The following HDAC4 variants were observed in gnomAD, a reference collection of about 807,000 sequenced individuals.
HDAC4 encodes histone deacetylase 4.
HDAC4 carries 16 observed loss-of-function variants against 135.1 expected under a neutral mutation model. The observed-to-expected ratio is 0.12, with a 90% CI of 0.08 to 0.18. The LOEUF is 0.18. Among genes scored for constraint, HDAC4 ranks in the 10% least tolerant of loss-of-function variants. The pLI is 1.00. For missense variants in HDAC4, 1,143 were observed against 1,511.8 expected (o/e 0.76, Z 4.05); for synonymous variants, 685 against 653.4 (o/e 1.05, Z -0.74).
intron 20 of HDAC4, among the ~76,000 whole-genome samples, chr2:239,083,798 C>T (rs1336763820): frequency 6.6e-6 from 1 of 152,284 alleles, no homozygotes; most frequent in Middle Eastern, 3.4e-3. Flanking sequence ...CGCCTTCGAC[C>T]AGGGTGAGGG....
chr2:239,135,151 T>C (rs2152885014), intron 9 of HDAC4, among the ~76,000 whole-genome samples: 1 of 152,344 alleles, frequency 6.6e-6, no homozygotes, highest in African/African-American at 2.4e-5. Flanking sequence ...CCGGAGAGGA[T>C]GGACATCCCA....
chr2:239,075,609 C>T (rs545694762), intron 22 of HDAC4, among the ~76,000 whole-genome samples: 11 of 152,332 alleles, frequency 7.2e-5, no homozygotes, highest in South Asian at 4.1e-4. Flanking sequence ...GGGGAGAGAG[C>T]GGCTTCTCCT....
In HDAC4 at chr2:239,134,462, A is replaced by AT. The variant is rs1575146130; in HGVS notation, c.1096-20dup. Reference sequence around the variant, plus strand: ...CCGTGCCCTGGAAAGCACAGCCAGGATGCTCGGGTGGAAGGACCCATCACC... The same window carrying AT: ...CCGTGCCCTGGAAAGCACAGCCAGGATTGCTCGGGTGGAAGGACCCATCACC... On this transcript the variant is annotated intron_variant, in intron 10 of 26. Coordinates refer to ENST00000543185, the MANE Select transcript of HDAC4 (RefSeq NM_001378414.1). The AT allele has an allele frequency of 1.2e-6, 2 of 1,613,762 alleles. No homozygotes were observed. Among genetic ancestry groups the AT allele is most frequent in the Non-Finnish European group, 1.7e-6 (2 of 1,179,890 alleles).
At position 239,167,718 on chromosome 2, in the gene HDAC4, TTAC is replaced by T; in HGVS notation, c.491-3798_491-3796del. Among the ~76,000 whole-genome samples, 1 of 152,054 alleles carries T rather than the reference TTAC, an allele frequency of 6.6e-6. No individual in the cohort carries two copies. The highest frequency in any genetic ancestry group is 2.1e-4 in the South Asian group (1 of 4,830). On this transcript the variant is annotated intron_variant, in intron 5 of 26. Coordinates refer to ENST00000543185, the MANE Select transcript of HDAC4 (RefSeq NM_001378414.1). The surrounding 1 kb of genome is among the most constrained non-coding windows in gnomAD (Gnocchi z 4.1). ...AATGGATAGCAGATCTCCCTAATTT[TTAC>T]TTTTACTTTTTTTTTTTTTTTCTTA...
chr2:239,128,673 G>A (rs2040364952), intron 11 of HDAC4, among the ~76,000 whole-genome samples: 1 of 152,224 alleles, frequency 6.6e-6, no homozygotes, highest in Non-Finnish European at 1.5e-5. Flanking sequence ...CGTAGTTGCT[G>A]GAAAGGTCTC....
intron 2 of HDAC4, among the ~76,000 whole-genome samples, chr2:239,271,099 G>A (rs1437054530): frequency 4.6e-5 from 7 of 152,136 alleles, no homozygotes; most frequent in Admixed American, 4.6e-4. Flanking sequence ...CAGTAAAAAG[G>A]TTGGGGCTTA....
At chr2:239,205,774 G>T (rs1272071665) in intron 3 of HDAC4, among the ~76,000 whole-genome samples, 3 of 152,182 alleles carry the variant, frequency 2.0e-5, no homozygotes, top group Admixed American at 6.5e-5. Flanking sequence ...TTGTGGGGTT[G>T]AAGTGAAGGA....
chr2:239,168,727 A>G (rs906093665), intron 5 of HDAC4, among the ~76,000 whole-genome samples: 8 of 152,336 alleles, frequency 5.3e-5, no homozygotes, highest in African/African-American at 1.2e-4. Flanking sequence ...CCCCGCTTAC[A>G]TAAGAGCCCC....
chr2:239,092,970 C>A (rs942436572), intron 17 of HDAC4, among the ~76,000 whole-genome samples: 1 of 152,088 alleles, frequency 6.6e-6, no homozygotes, highest in South Asian at 2.1e-4. Flanking sequence ...AAGCTTCCCA[C>A]GGATAATCCC....
chr2:239,057,369 T>A (rs1194562112), intron 24 of HDAC4, among the ~76,000 whole-genome samples: 1 of 152,204 alleles, frequency 6.6e-6, no homozygotes, highest in African/African-American at 2.4e-5. Flanking sequence ...CATTTCTGTA[T>A]GATGAAACAA....
At chr2:239,174,410 A>C (rs976548069) in intron 5 of HDAC4, among the ~76,000 whole-genome samples, 4 of 152,244 alleles carry the variant, frequency 2.6e-5, no homozygotes, top group African/African-American at 9.6e-5. Flanking sequence ...CGGCAAAAAA[A>C]ACTTATGAAA....
intron 3 of HDAC4, among the ~76,000 whole-genome samples, chr2:239,207,269 T>A (rs2046101729): frequency 6.6e-6 from 1 of 152,180 alleles, no homozygotes; most frequent in South Asian, 2.1e-4. Context: ...CTTGGTAGCC[T>A]TAAATACTTA....
chr2:239,311,686 C>T (rs1575675555), intron 2 of HDAC4, among the ~76,000 whole-genome samples: 1 of 152,178 alleles, frequency 6.6e-6, no homozygotes, highest in African/African-American at 2.4e-5. Context: ...CACAAAACTT[C>T]AAGTTTCTGT....
At chr2:239,238,792 G>A (rs1328445080) in intron 2 of HDAC4, among the ~76,000 whole-genome samples, 1 of 152,214 alleles carries the variant, frequency 6.6e-6, no homozygotes, top group Non-Finnish European at 1.5e-5. Flanking sequence ...GATTTGACTT[G>A]TAAGTCACGA....
chr2:239,131,787 A>G (rs2040605119), intron 11 of HDAC4, among the ~76,000 whole-genome samples: 1 of 152,214 alleles, frequency 6.6e-6, no homozygotes, highest in Non-Finnish European at 1.5e-5. Context: ...TGGGCCGTGC[A>G]CTGGATGTGG....
Position 239,285,194 on chromosome 2 carries a change from A to G in HDAC4, c.23-48530T>C, listed in dbSNP as rs1309608571. ...AGAAAGCGTTACACAGTGAGAAAAC[A>G]GGCAGCTGGATGAGCACAGAGCCAC... On this transcript the variant is annotated intron_variant, in intron 2 of 26. Coordinates refer to ENST00000543185, the MANE Select transcript of HDAC4 (RefSeq NM_001378414.1). The surrounding 1 kb of genome is among the most constrained non-coding windows in gnomAD (Gnocchi z 4.5). 6.6e-6 allele frequency among the ~76,000 whole-genome samples: 1 copy of G among 152,222 alleles called. No individual in the cohort carries two copies. Among genetic ancestry groups the G allele is most frequent in the East Asian group, 1.9e-4 (1 of 5,186 alleles).
In HDAC4 at chr2:239,077,131, C is replaced by T. The variant is rs377196135; in HGVS notation, c.2750+3964G>A. ...GTCTGTCACCTAAGCTGCCACAAGACGGGCCTGTCCAACATGCAGAGCTGG... is the reference window on the plus strand; with the variant it reads ...GTCTGTCACCTAAGCTGCCACAAGATGGGCCTGTCCAACATGCAGAGCTGG... On this transcript the variant is annotated intron_variant, in intron 22 of 26. Coordinates refer to ENST00000543185, the MANE Select transcript of HDAC4 (RefSeq NM_001378414.1). Among the ~76,000 whole-genome samples the T allele has an allele frequency of 2.3e-4, 35 of 152,334 alleles. 1 individual carries two copies. Among genetic ancestry groups the T allele is most frequent in the Admixed American group, 5.2e-4 (8 of 15,308 alleles).
chr2:239,338,669 T>C (rs911542082), intron 2 of HDAC4, among the ~76,000 whole-genome samples: 1 of 152,254 alleles, frequency 6.6e-6, no homozygotes, highest in Non-Finnish European at 1.5e-5. Context: ...CCTCAGCAGC[T>C]GCTATGAGAT....
At chr2:239,065,060 C>T (rs143119192) in intron 24 of HDAC4, among the ~76,000 whole-genome samples, 9 of 152,342 alleles carry the variant, frequency 5.9e-5, no homozygotes, top group Admixed American at 5.2e-4. Context: ...TGCCTCTGGG[C>T]GCTGCCCTTA....
Sources: gnomAD v4.1 joint callset for allele counts (sites outside exome capture counted in the v4.1 genomes callset) on GRCh38, gnomAD v4.1.1 for gene constraint, Gnocchi (gnomAD v3.1) non-coding constraint, MANE v1.5 for transcripts, NCBI Gene and HGNC (gene_info 2026-07-23, HGNC 2026-07-21) for gene names.